The following EEA1 variants were observed in gnomAD, a reference collection of about 807,000 sequenced individuals.
EEA1 encodes early endosome antigen 1, 162kD.
EEA1 carries 111 observed loss-of-function variants against 209.2 expected under a neutral mutation model. The observed-to-expected ratio is 0.53, with a 90% CI of 0.45 to 0.62. The LOEUF (loss-of-function observed/expected upper bound fraction) is 0.62, where lower values mean the gene tolerates loss of function less well. EEA1 is among the 20% of genes least tolerant of loss of function. EEA1 has a pLI of 0.00. For missense variants in EEA1, 1,343 were observed against 1,530.8 expected, an observed-to-expected ratio of 0.88 and a Z score of 2.05; for synonymous variants, 536 against 540.6, an observed-to-expected ratio of 0.99 and a Z score of 0.12.
chr12:92,781,011 A>G (rs934420316), intron 23 of EEA1, among the ~76,000 whole-genome samples: 1 of 152,178 alleles, frequency 6.6e-6, no homozygotes, highest in Non-Finnish European at 1.5e-5. Flanking sequence ...CCCAGGCTCA[A>G]GCTATCCTCC....
chr12:92,878,652 G>A (rs1879015241), intron 2 of EEA1, among the ~76,000 whole-genome samples: 2 of 151,954 alleles, frequency 1.3e-5, no homozygotes, highest in South Asian at 2.1e-4. Flanking sequence ...AAATATAAAA[G>A]CAGAAACCAA....
chr12:92,904,983 G>A (rs1429282464), intron 1 of EEA1, among the ~76,000 whole-genome samples: 2 of 152,182 alleles, frequency 1.3e-5, no homozygotes, highest in Non-Finnish European at 2.9e-5. Flanking sequence ...CTCTATGCCT[G>A]AAGGTCAGAG....
At chr12:92,894,805 T>C (rs2136757941) in intron 1 of EEA1, among the ~76,000 whole-genome samples, 1 of 147,522 alleles carries the variant, frequency 6.8e-6, no homozygotes, top group East Asian at 1.9e-4. Flanking sequence ...CTAGCTAAGA[T>C]AATTGATGAA....
chr12:92,913,645 T>G (rs1880659637), intron 1 of EEA1, among the ~76,000 whole-genome samples: 1 of 152,122 alleles, frequency 6.6e-6, no homozygotes, highest in Admixed American at 6.6e-5. Flanking sequence ...GGTTTTTACT[T>G]CCAGGTTTTT....
chr12:92,923,845 CAAAAAAA>C (rs200069645), intron 1 of EEA1, among the ~76,000 whole-genome samples: 4 of 75,246 alleles, frequency 5.3e-5, no homozygotes, highest in South Asian at 3.9e-4. Context: ...ACCTCATCTA[CAAAAAAA>C]AAAAAAAAAA....
At chr12:92,780,870 A>T (rs1284758523) in intron 23 of EEA1, among the ~76,000 whole-genome samples, 1 of 152,166 alleles carries the variant, frequency 6.6e-6, no homozygotes, top group Non-Finnish European at 1.5e-5. Context: ...GCAAGTCTGT[A>T]TGATCTAAAG....
chr12:92,783,760 A>C (rs1874010572), intron 22 of EEA1, among the ~76,000 whole-genome samples: 1 of 152,156 alleles, frequency 6.6e-6, no homozygotes, highest in Non-Finnish European at 1.5e-5. Context: ...ACTGCGAAGA[A>C]TCAGCAGGGT....
chr12:92,852,869 A>G (rs1877692732), intron 7 of EEA1, 43 bp downstream of exon 7: 1 of 1,397,062 alleles, frequency 7.2e-7, no homozygotes, highest in African/African-American at 1.4e-5. Context: ...GCAAAAAGGT[A>G]ATGAGATTGA....
At chr12:92,879,881 G>A (rs1879063086) in intron 2 of EEA1, among the ~76,000 whole-genome samples, 1 of 152,172 alleles carries the variant, frequency 6.6e-6, no homozygotes, top group South Asian at 2.1e-4. Flanking sequence ...CAGGGACCAG[G>A]CACAGTCCCT....
At position 92,819,479 on chromosome 12, in the gene EEA1, G is replaced by T; in HGVS notation, c.1557C>A (p.Gly519=). The T allele has an allele frequency of 6.2e-7, 1 of 1,605,744 alleles. No homozygotes were observed. Among genetic ancestry groups the T allele is most frequent in the Non-Finnish European group, 8.5e-7 (1 of 1,176,614 alleles). Residue 519 remains glycine, a synonymous_variant, in exon 14 of 29, where the codon GGC becomes GGA. Transcript: ENST00000322349. ...GGTTCTGGATCTTTTGGTCCTTATC[G>T]CCAATTTGACGTAGAACTTGTTCCA... is the stretch of plus-strand genomic sequence containing the variant. ...NDLEQVLRQI[G]DKDQKIQNLE...
intron 20 of EEA1, among the ~76,000 whole-genome samples, chr12:92,800,307 A>G (rs565124826): frequency 6.6e-6 from 1 of 152,288 alleles, no homozygotes; most frequent in Non-Finnish European, 1.5e-5. Flanking sequence ...TGTACAATCC[A>G]CTAGGATATG....
intron 2 of EEA1, among the ~76,000 whole-genome samples, chr12:92,889,437 A>G (rs891593202): frequency 2.0e-5 from 3 of 151,996 alleles, no homozygotes; most frequent in African/African-American, 7.2e-5. Flanking sequence ...GAAAGTACAT[A>G]AAGAGTAATA....
intron 10 of EEA1, 142 bp downstream of exon 10, chr12:92,842,323 A>C: frequency 2.0e-6 from 1 of 497,086 alleles, no homozygotes; most frequent in Non-Finnish European, 3.6e-6. Flanking sequence ...ATTGGTTTGC[A>C]CAATAATGTG....
At chr12:92,872,367 G>C (rs1478126017) in intron 2 of EEA1, among the ~76,000 whole-genome samples, 3 of 152,104 alleles carry the variant, frequency 2.0e-5, no homozygotes, top group Non-Finnish European at 2.9e-5. Flanking sequence ...GAAATTACTG[G>C]CAAGTATAAC....
intron 13 of EEA1, among the ~76,000 whole-genome samples, chr12:92,823,133 AT>A (rs1320460350): frequency 1.3e-5 from 2 of 152,178 alleles, no homozygotes; most frequent in Non-Finnish European, 2.9e-5. Context: ...CTTTTAACTC[AT>A]TTCATTCCAG....
At chr12:92,921,760 A>C (rs1442309095) in intron 1 of EEA1, among the ~76,000 whole-genome samples, 1 of 71,152 alleles carries the variant, frequency 1.4e-5, no homozygotes, top group Non-Finnish European at 3.6e-5. Flanking sequence ...AAAAAAAAAG[A>C]AAAAAAAAAA....
intron 10 of EEA1, among the ~76,000 whole-genome samples, chr12:92,838,279 T>A (rs1877016229): frequency 6.6e-6 from 1 of 152,172 alleles, no homozygotes; most frequent in Non-Finnish European, 1.5e-5. Flanking sequence ...TGACTGTACA[T>A]TTCAGCTATC....
At chr12:92,802,841 A>G (rs1874993893) in intron 18 of EEA1, 107 bp from the exon 19 acceptor site, 8 of 837,020 alleles carry the variant, frequency 9.6e-6, no homozygotes, top group Admixed American at 7.2e-5. Context: ...ACTTTTTTGT[A>G]TAGTTCACAA....
At chr12:92,863,868 C>G (rs1030642975) in intron 3 of EEA1, among the ~76,000 whole-genome samples, 1 of 152,150 alleles carries the variant, frequency 6.6e-6, no homozygotes, top group African/African-American at 2.4e-5. Flanking sequence ...GTTAAAAGTT[C>G]ATATACTGGA....
Sources: gnomAD v4.1 joint callset for allele counts (sites outside exome capture counted in the v4.1 genomes callset) on GRCh38, gnomAD v4.1.1 for gene constraint, MANE v1.5 for transcripts, NCBI Gene and HGNC (gene_info 2026-07-23, HGNC 2026-07-21) for gene names.